The following GULP1 variants were observed in gnomAD, a reference collection of about 807,000 sequenced individuals.
GULP1 encodes the protein GULP PTB domain containing engulfment adaptor 1.
A neutral mutation model predicts 40.9 loss-of-function variants in GULP1; 19 were observed. The observed-to-expected ratio is 0.46, with a 90% CI of 0.32 to 0.68. GULP1 has a LOEUF of 0.68. Among genes scored for constraint, GULP1 ranks in the 30% least tolerant of loss-of-function variants. GULP1 has a pLI of 0.03. For synonymous variants in GULP1, 119 were observed against 117.6 expected (o/e 1.01, Z -0.08); for missense variants, 312 against 362.2 (o/e 0.86, Z 1.12).
intron 1 of GULP1, among the ~76,000 whole-genome samples, chr2:188,307,977 A>G (rs915960642): frequency 2.6e-5 from 3 of 116,908 alleles, no homozygotes; most frequent in African/African-American, 6.3e-5. Flanking sequence ...TCACTACGCC[A>G]GCAATTTTTC....
chr2:188,586,255 A>T (rs1702345091), intron 10 of GULP1, among the ~76,000 whole-genome samples: 1 of 152,152 alleles, frequency 6.6e-6, no homozygotes, highest in African/African-American at 2.4e-5. Context: ...TATAGACATA[A>T]TCTATATAAG....
intron 4 of GULP1, among the ~76,000 whole-genome samples, chr2:188,488,883 T>C (rs1286190165): frequency 6.6e-6 from 1 of 152,004 alleles, no homozygotes; most frequent in South Asian, 2.1e-4. Context: ...TATAGAAAGA[T>C]AAGGTAGTCC....
At chr2:188,330,070 A>G (rs2041354090) in intron 1 of GULP1, among the ~76,000 whole-genome samples, 2 of 152,140 alleles carry the variant, frequency 1.3e-5, no homozygotes, top group African/African-American at 4.8e-5. Flanking sequence ...TCATATAGGT[A>G]GTATTTAAAG....
chr2:188,370,588 C>A lies in GULP1; in HGVS notation c.-171-13175C>A, dbSNP rs187203179. 1.4e-4 allele frequency among the ~76,000 whole-genome samples: 21 copies of A among 152,174 alleles called. No individual in the cohort carries two copies. In the East Asian group the frequency reaches 3.7e-3, roughly 27 times the overall value. On this transcript the variant is annotated intron_variant, in intron 1 of 11. Coordinates refer to ENST00000409830, the MANE Select transcript of GULP1 (RefSeq NM_016315.4). ...AGATGAGACTTAAAAACACATAAAC[C>A]ACTTATACTGGGAATTAAACTTACT... is the stretch of plus-strand genomic sequence containing the variant.
chr2:188,433,011 T>C (rs909198938), intron 2 of GULP1, among the ~76,000 whole-genome samples: 5 of 152,092 alleles, frequency 3.3e-5, no homozygotes, highest in African/African-American at 1.2e-4. Context: ...AAGAATGGGT[T>C]TTATCTTGAC....
intron 6 of GULP1, among the ~76,000 whole-genome samples, chr2:188,538,759 C>T (rs779424960): frequency 2.7e-4 from 41 of 151,176 alleles, no homozygotes; most frequent in Non-Finnish European, 4.6e-4. Context: ...TTGGATACAA[C>T]CTATTCATAG....
At position 188,312,015 on chromosome 2, in the gene GULP1, A is replaced by G. The variant is rs565042501; in HGVS notation, c.-172+19849A>G. ...AAAGAATTTAGAGAAATACAGCATT[A>G]ATATAGACTTCTAACTACACTTGTA... On this transcript the variant is annotated intron_variant, in intron 1 of 11. Transcript: ENST00000409830. Among the ~76,000 whole-genome samples, 3 of 151,942 alleles carry G rather than the reference A, an allele frequency of 2.0e-5. No homozygotes were observed. The East Asian group carries it at 5.8e-4, about 29-fold the overall frequency.
intron 2 of GULP1, among the ~76,000 whole-genome samples, chr2:188,445,745 T>C (rs549342446): frequency 1.6e-4 from 25 of 152,192 alleles, no homozygotes; most frequent in Non-Finnish European, 3.2e-4. Flanking sequence ...AAAGGATCTT[T>C]TAAAATCTTA....
intron 1 of GULP1, among the ~76,000 whole-genome samples, chr2:188,297,769 C>T (rs1330330086): frequency 6.6e-6 from 1 of 151,850 alleles, no homozygotes; most frequent in Non-Finnish European, 1.5e-5. Context: ...CTATTGTTCT[C>T]ATTTGGTTTG....
At chr2:188,320,601 T>A (rs957863296) in intron 1 of GULP1, among the ~76,000 whole-genome samples, 1 of 152,212 alleles carries the variant, frequency 6.6e-6, no homozygotes, top group East Asian at 1.9e-4. Flanking sequence ...ATGCAACATA[T>A]AAACATATTT....
intron 2 of GULP1, among the ~76,000 whole-genome samples, chr2:188,456,309 G>A (rs1002526010): frequency 1.3e-5 from 2 of 152,184 alleles, no homozygotes; most frequent in African/African-American, 4.8e-5. Context: ...CCCATCACGT[G>A]CCGGAAGGCC....
rs529691749 is a variant in GULP1, at chr2:188,529,151, C to T, written c.217C>T (p.Gln73Ter). Residue 73 changes from glutamine to a stop codon, truncating the protein, a stop_gained, in exon 6 of 12, where the codon CAA becomes TAA. Transcript: ENST00000409830. LOFTEE classifies it high-confidence loss of function. ...CCAGAAAATTCCTAAAGTGGAGTTGCAAATATCAATTTATGGAGTAAAAAT... is the reference window on the plus strand; with the variant it reads ...CCAGAAAATTCCTAAAGTGGAGTTGTAAATATCAATTTATGGAGTAAAAAT... ...EGQKIPKVEL[Q>*]ISIYGVKILE... is the part of the protein sequence containing the mutation. 2.5e-6 allele frequency: 4 copies of T among 1,584,778 alleles called. No individual in the cohort carries two copies. The African/African-American group carries it at 5.4e-5, about 22-fold the overall frequency.
At chr2:188,352,564 T>C (rs1376837470) in intron 1 of GULP1, among the ~76,000 whole-genome samples, 1 of 151,530 alleles carries the variant, frequency 6.6e-6, no homozygotes. Flanking sequence ...TCTCTCTCTC[T>C]TTTTCTCTTT....
intron 1 of GULP1, among the ~76,000 whole-genome samples, chr2:188,364,070 A>G (rs2046427717): frequency 6.6e-6 from 1 of 152,206 alleles, no homozygotes; most frequent in Non-Finnish European, 1.5e-5. Context: ...TAGCTTATTT[A>G]GAACTTGCTG....
At chr2:188,297,423 G>A (rs371714997) in intron 1 of GULP1, 4 of 448,972 alleles carry the variant, frequency 8.9e-6, no homozygotes, top group African/African-American at 8.3e-5. Flanking sequence ...TTATACAAAT[G>A]TAGTGTTTTC....
chr2:188,522,751 T>G lies in GULP1; in HGVS notation c.91-5T>G. 9 of 1,596,090 alleles carry G rather than the reference T, an allele frequency of 5.6e-6. No homozygotes were observed. Among genetic ancestry groups the G allele is most frequent in the Non-Finnish European group, 7.7e-6 (9 of 1,163,862 alleles). ...AGCCTGTGTCTCACAAATGACCATT[T>G]TCAGTTTCTTGGCAGTACAGAAGTG... On this transcript the variant is annotated splice_polypyrimidine_tract_variant and splice_region_variant and intron_variant, in intron 4 of 11. Transcript: ENST00000409830.
intron 7 of GULP1, among the ~76,000 whole-genome samples, chr2:188,562,273 T>A (rs1559381620): frequency 1.3e-5 from 2 of 152,250 alleles, no homozygotes; most frequent in Middle Eastern, 3.4e-3. Flanking sequence ...TGAGGGGCTG[T>A]CCCTTGACCA....
chr2:188,341,408 T>G (rs1299080110), intron 1 of GULP1, among the ~76,000 whole-genome samples: 11 of 152,060 alleles, frequency 7.2e-5, no homozygotes, highest in Admixed American at 7.2e-4. Flanking sequence ...TGTCATCCAA[T>G]CACCTCCCAC....
chr2:188,324,473 C>A (rs987949293), intron 1 of GULP1, among the ~76,000 whole-genome samples: 1 of 152,080 alleles, frequency 6.6e-6, no homozygotes, highest in African/African-American at 2.4e-5. Context: ...AGATTTTTCC[C>A]TCCCTTATTA....
Sources: gnomAD v4.1 joint callset for allele counts (sites outside exome capture counted in the v4.1 genomes callset) on GRCh38, gnomAD v4.1.1 for gene constraint, MANE v1.5 for transcripts, NCBI Gene and HGNC (gene_info 2026-07-23, HGNC 2026-07-21) for gene names.